SLC22A23: variants seen among roughly 807,000 people sequenced by gnomAD.
The protein encoded by SLC22A23 is ion transporter protein.
SLC22A23 carries 26 observed loss-of-function variants against 61.0 expected under a neutral mutation model. The observed-to-expected ratio is 0.43, with a 90% CI of 0.31 to 0.59. SLC22A23 has a LOEUF of 0.59. Among genes scored for constraint, SLC22A23 ranks in the 20% least tolerant of loss-of-function variants. The pLI, the probability that SLC22A23 is intolerant of heterozygous loss-of-function variation, is 0.11. For synonymous variants in SLC22A23, 430 were observed against 413.9 expected (o/e 1.04, Z -0.47); for missense variants, 796 against 934.7 (o/e 0.85, Z 1.94).
Position 3,270,614 on chromosome 6 carries a change from C to G in SLC22A23, c.*2441G>C, listed in dbSNP as rs1758418764. ...AAGTCAGCCTCACACCCACTGGACT[C>G]TGCTCCCAAGAGCCCAGGCTGTTTT... On this transcript the variant is annotated 3_prime_UTR_variant, in exon 10 of 10. Coordinates refer to ENST00000406686, the MANE Select transcript of SLC22A23 (RefSeq NM_015482.2). 1 of 152,232 alleles carries G rather than the reference C, an allele frequency of 6.6e-6. No homozygotes were observed. Among genetic ancestry groups the G allele is most frequent in the Admixed American group, 6.5e-5 (1 of 15,280 alleles). The allele number at this position is 152,232 out of a possible 1,614,324, so 9.4% of individuals were successfully genotyped here.
intron 3 of SLC22A23, among the ~76,000 whole-genome samples, chr6:3,365,893 A>G (rs9405633): frequency 0.31 from 47,002 of 152,022 alleles, 8,032 homozygotes; most frequent in East Asian, 0.52. Flanking sequence ...CTAACCAAAG[A>G]CTTGTTAGTT....
In SLC22A23 at chr6:3,270,113, AT is replaced by A. The variant is rs1758382729; in HGVS notation, c.*2941del. On this transcript the variant is annotated 3_prime_UTR_variant, in exon 10 of 10. Coordinates refer to ENST00000406686, the MANE Select transcript of SLC22A23 (RefSeq NM_015482.2). ...GTTCAGCTCCATCTCAGGTGTTCAC[AT>A]TTGTGCATAACTTTTATTGAAAGGC... The A allele has an allele frequency of 6.6e-6, 1 of 152,412 alleles. No homozygotes were observed. Among genetic ancestry groups the A allele is most frequent in the Non-Finnish European group, 1.5e-5 (1 of 68,044 alleles). 9.4% of individuals were successfully genotyped at this position (152,412 alleles called of 1,614,324 possible). A position where few individuals can be genotyped will look rare whatever the true frequency, so the allele number is the denominator to read the frequency against.
chr6:3,415,396 A>C (rs1207775093), intron 2 of SLC22A23, among the ~76,000 whole-genome samples: 1 of 152,052 alleles, frequency 6.6e-6, no homozygotes, highest in Non-Finnish European at 1.5e-5. Context: ...CCTATTTTTT[A>C]ATGCATCTTC....
intron 1 of SLC22A23, among the ~76,000 whole-genome samples, chr6:3,450,462 ATGCC>A: frequency 6.6e-6 from 1 of 152,088 alleles, no homozygotes; most frequent in African/African-American, 2.4e-5. Context: ...GTAAACCACC[ATGCC>A]CGGCTAATTT....
rs111288464 is a variant in SLC22A23 at position 3,384,999 on chromosome 6, G to T, written c.913+25189C>A. Among the ~76,000 whole-genome samples the T allele has an allele frequency of 3.5e-4, 54 of 152,320 alleles. 2 individuals carry two copies. The highest frequency in any genetic ancestry group is 1.3e-3 in the African/African-American group (52 of 41,568). ...AGCCAGTCACAGAAAAACAAATGCT[G>T]TATGAATCCATTTATATGAGGCACT... On this transcript the variant is annotated intron_variant, in intron 3 of 9. Coordinates refer to ENST00000406686, the MANE Select transcript of SLC22A23 (RefSeq NM_015482.2).
Position 3,286,938 on chromosome 6 carries a change from G to T in SLC22A23, c.1467C>A (p.Phe489Leu). ...GCAGCAGCCCTCCCCTGCGCCCGAG[G>T]AATCGGACCACCACGCACATGGCCA... ...SCLAMCVVVR[F>L]LGRRGGLLLF... Residue 489 changes from phenylalanine (F) to leucine (L), a missense_variant, in exon 7 of 10, where the codon TTC (phenylalanine) becomes TTA (leucine). Coordinates refer to ENST00000406686, the MANE Select transcript of SLC22A23 (RefSeq NM_015482.2). The surrounding 1 kb of genome is among the most constrained non-coding windows in gnomAD (Gnocchi z 4.2). 6.2e-7 allele frequency: 1 copy of T among 1,613,990 alleles called. No homozygotes were observed. The highest frequency in any genetic ancestry group is 1.3e-5 in the African/African-American group (1 of 75,054).
intron 3 of SLC22A23, among the ~76,000 whole-genome samples, chr6:3,399,349 T>A (rs1768224915): frequency 1.3e-5 from 2 of 152,160 alleles, no homozygotes; most frequent in South Asian, 4.2e-4. Context: ...GAACTGTTTT[T>A]CCCCCAGAAG....
At chr6:3,450,087 G>A (rs1304557287) in intron 1 of SLC22A23, among the ~76,000 whole-genome samples, 1 of 152,238 alleles carries the variant, frequency 6.6e-6, no homozygotes, top group Non-Finnish European at 1.5e-5. Context: ...ATTTCTGGAA[G>A]GGGATGTGAG....
intron 9 of SLC22A23, chr6:3,282,130 C>A: frequency 1.4e-6 from 1 of 690,150 alleles, no homozygotes; most frequent in Non-Finnish European, 2.6e-6. Flanking sequence ...CTGCAGGAGG[C>A]CAGCTGGAAA....
intron 3 of SLC22A23, among the ~76,000 whole-genome samples, chr6:3,356,734 G>C (rs148396828): frequency 1.6e-3 from 249 of 152,276 alleles, no homozygotes; most frequent in African/African-American, 5.9e-3. Flanking sequence ...ACCTGCCCAA[G>C]ATACCAACAA....
At chr6:3,423,008 C>T (rs1464468037) in intron 1 of SLC22A23, among the ~76,000 whole-genome samples, 2 of 152,104 alleles carry the variant, frequency 1.3e-5, no homozygotes, top group South Asian at 2.1e-4. Context: ...ATGTAATTTC[C>T]GATTCATTCG....
chr6:3,450,498 G>A (rs1772112261), intron 1 of SLC22A23, among the ~76,000 whole-genome samples: 1 of 152,130 alleles, frequency 6.6e-6, no homozygotes, highest in Non-Finnish European at 1.5e-5. Context: ...GTAGAGATGG[G>A]GTTTCACTAT....
rs761631482 is a variant in SLC22A23 at position 3,456,263 on chromosome 6, G to C, written c.297C>G (p.Leu99=). 63 of 1,551,410 alleles carry C rather than the reference G, an allele frequency of 4.1e-5. 1 individual carries two copies. The South Asian group carries it at 5.2e-4, about 13-fold the overall frequency. ...GCGCCGGGATCCAGGTGAGCAGCAC[G>C]AGGGTCTTCTGATAGCCCCCGCCCA... ...GGLGGGYQKT[L]VLLTWIPALF... Residue 99 remains leucine, a synonymous_variant, in exon 1 of 10, where the codon CTC becomes CTG. Coordinates refer to ENST00000406686, the MANE Select transcript of SLC22A23 (RefSeq NM_015482.2). The surrounding 1 kb of genome is among the most constrained non-coding windows in gnomAD (Gnocchi z 7.1).
rs1467614475 is a variant in SLC22A23 at position 3,309,546 on chromosome 6, A to G, written c.1083-11328T>C. On this transcript the variant is annotated intron_variant, in intron 4 of 9. Transcript: ENST00000406686. This position sits in a 1 kb window ranked among gnomAD's most constrained non-coding sequence, Gnocchi z 4.7. ...GACTGTGGGCTGACAAGCAGGTGGC[A>G]CCTGACCATAATAAGGACTGTGGGC... Among the ~76,000 whole-genome samples the G allele has an allele frequency of 1.3e-5, 2 of 151,832 alleles. No homozygotes were observed. Among genetic ancestry groups the G allele is most frequent in the Non-Finnish European group, 2.9e-5 (2 of 67,960 alleles).
intron 1 of SLC22A23, among the ~76,000 whole-genome samples, chr6:3,428,412 C>T (rs1016487266): frequency 2.0e-5 from 3 of 152,134 alleles, no homozygotes; most frequent in African/African-American, 7.2e-5. Context: ...GGGGGAACTC[C>T]AGGGATGAAC....
chr6:3,303,607 A>G (rs1330156321), intron 4 of SLC22A23, among the ~76,000 whole-genome samples: 3 of 152,244 alleles, frequency 2.0e-5, no homozygotes, highest in Non-Finnish European at 4.4e-5. Context: ...ACAGAAAATT[A>G]AGCACTGCAT....
At chr6:3,300,786 T>C (rs1581648907) in intron 4 of SLC22A23, among the ~76,000 whole-genome samples, 2 of 152,358 alleles carry the variant, frequency 1.3e-5, no homozygotes, top group African/African-American at 2.4e-5. Flanking sequence ...TTTTACATGA[T>C]GAAGTTGTTC....
chr6:3,292,556 C>T (rs1421599276), intron 5 of SLC22A23, among the ~76,000 whole-genome samples: 1 of 152,188 alleles, frequency 6.6e-6, no homozygotes, highest in African/African-American at 2.4e-5. Context: ...AATTTTCCAA[C>T]CAAAACCCAC....
At chr6:3,425,741 T>C (rs1467015790) in intron 1 of SLC22A23, among the ~76,000 whole-genome samples, 1 of 152,212 alleles carries the variant, frequency 6.6e-6, no homozygotes, top group African/African-American at 2.4e-5. Flanking sequence ...GCCCATTGCA[T>C]GGACATTATT....
Sources: allele counts gnomAD v4.1 joint callset (sites outside exome capture counted in the v4.1 genomes callset), GRCh38; gene constraint gnomAD v4.1.1; non-coding constraint Gnocchi (gnomAD v3.1); transcripts MANE v1.5; gene names NCBI Gene and HGNC (gene_info 2026-07-23, HGNC 2026-07-21).